The following CNTNAP5 variants were observed in gnomAD, a reference collection of about 807,000 sequenced individuals.
The protein encoded by CNTNAP5 is contactin-associated protein-like 5.
A neutral mutation model predicts 150.2 loss-of-function variants in CNTNAP5; 72 were observed. The ratio of observed to expected loss-of-function variants is 0.48; its 90% CI spans 0.40 to 0.58. The LOEUF is 0.58. Ranked by LOEUF, CNTNAP5 falls within the 20% of genes least tolerant of loss-of-function variation. The pLI is 0.00. For missense variants in CNTNAP5, 1,636 were observed against 1,626.2 expected (o/e 1.01, Z -0.10); for synonymous variants, 672 against 619.8 (o/e 1.08, Z -1.25).
At chr2:124,586,776 A>T (rs1181886528) in intron 11 of CNTNAP5, among the ~76,000 whole-genome samples, 1 of 152,216 alleles carries the variant, frequency 6.6e-6, no homozygotes, top group Non-Finnish European at 1.5e-5. Context: ...GGCAACCTCC[A>T]ACTGTGTTTG....
chr2:124,235,946 T>C (rs1269062180), intron 2 of CNTNAP5, among the ~76,000 whole-genome samples: 43 of 29,026 alleles, frequency 1.5e-3, no homozygotes, highest in African/African-American at 4.0e-3. Context: ...CCCACTTATT[T>C]ATTTATTTAT....
intron 11 of CNTNAP5, among the ~76,000 whole-genome samples, chr2:124,598,798 T>C (rs914959838): frequency 2.1e-4 from 32 of 152,288 alleles, no homozygotes; most frequent in Admixed American, 3.3e-4. Context: ...TCAGCGAGAT[T>C]CCGTGGGCAT....
At chr2:124,241,212 T>C (rs1475118354) in intron 2 of CNTNAP5, among the ~76,000 whole-genome samples, 1 of 152,188 alleles carries the variant, frequency 6.6e-6, no homozygotes, top group Non-Finnish European at 1.5e-5. Flanking sequence ...GTCTTTCAAC[T>C]AAGAGAGAAC....
chr2:124,702,338 T>C (rs1298933786), intron 13 of CNTNAP5, among the ~76,000 whole-genome samples: 3 of 135,632 alleles, frequency 2.2e-5, no homozygotes, highest in Non-Finnish European at 4.7e-5. Context: ...TCTGTGAAAC[T>C]ATGAACACTT....
chr2:124,200,527 TGG>T (rs932478975), intron 1 of CNTNAP5, among the ~76,000 whole-genome samples: 29 of 152,006 alleles, frequency 1.9e-4, no homozygotes, highest in African/African-American at 6.5e-4. Context: ...TTTTGAATTG[TGG>T]TAAAAAAAAA....
intron 3 of CNTNAP5, among the ~76,000 whole-genome samples, chr2:124,340,424 A>G (rs144745731): frequency 1.8e-4 from 27 of 152,218 alleles, no homozygotes; most frequent in African/African-American, 6.0e-4. Flanking sequence ...GGAAAATGGG[A>G]TATGTAGGCA....
intron 5 of CNTNAP5, among the ~76,000 whole-genome samples, chr2:124,442,462 C>A (rs537485367): frequency 1.3e-4 from 20 of 152,156 alleles, no homozygotes; most frequent in Non-Finnish European, 2.2e-4. Context: ...CTAAATAAGG[C>A]CACTCAAGGA....
In CNTNAP5 at chr2:124,346,892, G is replaced by A. The variant is rs554900035; in HGVS notation, c.382-70551G>A. 6.3e-4 allele frequency among the ~76,000 whole-genome samples: 78 copies of A among 124,060 alleles called. 4 individuals are homozygous for A. In the South Asian group the frequency reaches 0.017, roughly 27 times the overall value. 81.4% of individuals were successfully genotyped at this position (124,060 alleles called of 152,430 possible). Reference sequence around the variant, plus strand: ...TCGAGACCATCCTGGCCAACATGGTGAAACCTCGTCTCTATTAAAAATACA... The same window carrying A: ...TCGAGACCATCCTGGCCAACATGGTAAAACCTCGTCTCTATTAAAAATACA... On this transcript the variant is annotated intron_variant, in intron 3 of 23. Coordinates refer to ENST00000682447, the MANE Select transcript of CNTNAP5 (RefSeq NM_001367498.1).
At chr2:124,513,328 T>A (rs2104874368) in intron 8 of CNTNAP5, among the ~76,000 whole-genome samples, 1 of 152,322 alleles carries the variant, frequency 6.6e-6, no homozygotes, top group African/African-American at 2.4e-5. Flanking sequence ...TTTACCATAA[T>A]TACCTTTTTA....
At chr2:124,104,427 A>G (rs912686248) in intron 1 of CNTNAP5, among the ~76,000 whole-genome samples, 3 of 152,124 alleles carry the variant, frequency 2.0e-5, no homozygotes, top group South Asian at 2.1e-4. Flanking sequence ...CTAGACACCA[A>G]TTAGATAGAT....
At chr2:124,244,670 G>A (rs1215145631) in intron 3 of CNTNAP5, among the ~76,000 whole-genome samples, 1 of 152,114 alleles carries the variant, frequency 6.6e-6, no homozygotes, top group Non-Finnish European at 1.5e-5. Context: ...CCAATTTAAA[G>A]AGTAAAATAG....
At chr2:124,679,928 G>T (rs1279951005) in intron 13 of CNTNAP5, among the ~76,000 whole-genome samples, 2 of 151,618 alleles carry the variant, frequency 1.3e-5, no homozygotes, top group African/African-American at 2.4e-5. Context: ...ATTTCTTTGG[G>T]TACATGGCTG....
intron 3 of CNTNAP5, among the ~76,000 whole-genome samples, chr2:124,362,239 G>A (rs1056774538): frequency 3.9e-5 from 6 of 152,198 alleles, no homozygotes; most frequent in African/African-American, 1.2e-4. Context: ...AACCCGGTAC[G>A]TCACATGGAA....
At chr2:124,526,159 C>T (rs75425997) in intron 9 of CNTNAP5, among the ~76,000 whole-genome samples, 2,466 of 152,208 alleles carry the variant, frequency 0.016, 48 homozygotes, top group African/African-American at 0.054. Context: ...GTTGAAGAAG[C>T]GTTCTTAGAG....
At chr2:124,205,948 A>G (rs546017781) in intron 1 of CNTNAP5, among the ~76,000 whole-genome samples, 5 of 152,346 alleles carry the variant, frequency 3.3e-5, no homozygotes, top group African/African-American at 1.2e-4. Context: ...TGGAAGTTCT[A>G]AAAGTGGGCC....
In CNTNAP5 at chr2:124,890,142, A is replaced by G. The variant is rs181565733; in HGVS notation, c.3437-12740A>G. ...GTATCTTGTCCAAGCTTTCTCTAGT[A>G]CATGCTATTGGTGCTCTATCATAGC... is the stretch of plus-strand genomic sequence containing the variant. On this transcript the variant is annotated intron_variant, in intron 21 of 23. Coordinates refer to ENST00000682447, the MANE Select transcript of CNTNAP5 (RefSeq NM_001367498.1). Among the ~76,000 whole-genome samples, 58 of 152,206 alleles carry G rather than the reference A, an allele frequency of 3.8e-4. 1 individual carries two copies. The East Asian group carries it at 0.011, about 28-fold the overall frequency.
intron 13 of CNTNAP5, among the ~76,000 whole-genome samples, chr2:124,681,942 G>A (rs191556739): frequency 1.3e-5 from 2 of 152,096 alleles, no homozygotes; most frequent in East Asian, 3.9e-4. Context: ...ATAATTTAGT[G>A]GCCAGCCAAT....
chr2:124,669,458 C>T (rs1350621640), intron 13 of CNTNAP5, among the ~76,000 whole-genome samples: 1 of 152,212 alleles, frequency 6.6e-6, no homozygotes, highest in Non-Finnish European at 1.5e-5. Flanking sequence ...TTTGTTGGCT[C>T]CTTCCACGTT....
intron 6 of CNTNAP5, among the ~76,000 whole-genome samples, chr2:124,468,280 A>G (rs1027437652): frequency 1.3e-5 from 2 of 152,136 alleles, no homozygotes; most frequent in Non-Finnish European, 2.9e-5. Flanking sequence ...GTAGTGGCTC[A>G]GTCCAAGTCT....
Sources: allele counts gnomAD v4.1 joint callset (sites outside exome capture counted in the v4.1 genomes callset), GRCh38; gene constraint gnomAD v4.1.1; transcripts MANE v1.5; gene names NCBI Gene and HGNC (gene_info 2026-07-23, HGNC 2026-07-21).